Variants in PPARA observed in about 807,000 individuals in gnomAD.
The protein encoded by PPARA is peroxisome proliferator-activated receptor alpha.
A neutral mutation model predicts 42.2 loss-of-function variants in PPARA; 22 were observed. The ratio of observed to expected loss-of-function variants is 0.52; its 90% confidence interval spans 0.37 to 0.74. The LOEUF (loss-of-function observed/expected upper bound fraction) is 0.74. Among genes scored for constraint, PPARA ranks in the 30% least tolerant of loss-of-function variants. PPARA has a pLI of 0.00. For synonymous variants in PPARA, 242 were observed against 239.3 expected (o/e 1.01, Z -0.10); for missense variants, 465 against 608.2 (o/e 0.76, Z 2.48).
Position 46,240,011 on chromosome 22 carries a change from C to T in PPARA, c.*4631C>T, listed in dbSNP as rs1018716356. 6 of 396,918 alleles carry T rather than the reference C, an allele frequency of 1.5e-5. No homozygotes were observed. Among genetic ancestry groups the T allele is most frequent in the Non-Finnish European group, 2.2e-5 (5 of 225,686 alleles). The allele number at this position is 396,918 out of a possible 1,614,324, so 24.6% of individuals were successfully genotyped here. A position where few individuals can be genotyped will look rare whatever the true frequency, so the allele number is the denominator to read the frequency against. ...TTAAAATAGATTCATTGCTTCAACA[C>T]AGCAAGCCCAATGCACCCAGCTAAG... On this transcript the variant is annotated 3_prime_UTR_variant, in exon 9 of 9. Coordinates refer to ENST00000407236, the MANE Select transcript of PPARA (RefSeq NM_005036.6). This position sits in a 1 kb window ranked among gnomAD's most constrained non-coding sequence, Gnocchi z 6.0.
intron 3 of PPARA, among the ~76,000 whole-genome samples, chr22:46,179,429 G>C (rs1929628096): frequency 6.6e-6 from 1 of 152,066 alleles, no homozygotes; most frequent in Non-Finnish European, 1.5e-5. Context: ...AAAACAACTG[G>C]ATTTTGACAG....
At position 46,231,815 on chromosome 22, in the gene PPARA, G is replaced by A. The variant is rs373164062; in HGVS notation, c.735G>A (p.Glu245=). ...AGCCTTTTGTCATACATGATATGGA[G>A]ACACTGTGTATGGCTGAGAAGACGC... ...NNPPFVIHDM[E]TLCMAEKTLV... Residue 245 remains glutamate (E), a synonymous_variant, in exon 8 of 9, where the codon GAG becomes GAA. Transcript: ENST00000407236. The surrounding 1 kb of genome is among the most constrained non-coding windows in gnomAD (Gnocchi z 7.7). 1.2e-6 allele frequency: 2 copies of A among 1,613,706 alleles called. No homozygotes were observed. The highest frequency in any genetic ancestry group is 2.2e-5 in the South Asian group (2 of 91,048).
At chr22:46,207,663 T>C (rs1933475507) in intron 4 of PPARA, among the ~76,000 whole-genome samples, 1 of 115,768 alleles carries the variant, frequency 8.6e-6, no homozygotes, top group African/African-American at 4.2e-5. Context: ...ATTATTATTA[T>C]TATTATTATT....
Position 46,186,200 on chromosome 22 carries a change from C to T in PPARA, c.-43+9364C>T, listed in dbSNP as rs116952851. 1.7e-3 allele frequency among the ~76,000 whole-genome samples: 265 copies of T among 151,804 alleles called. 7 individuals carry two copies. The East Asian group carries it at 0.047, about 27-fold the overall frequency. ...TCATAGACCGGATGCCATCAGCCAA[C>T]CTTGAGTAATTTGCAGCACACTGCA... On this transcript the variant is annotated intron_variant, in intron 3 of 8. Transcript: ENST00000407236.
rs1931804133 is a variant in PPARA at position 46,193,259 on chromosome 22, G to T, written c.-42-5083G>T. 6.6e-6 allele frequency among the ~76,000 whole-genome samples: 1 copy of T among 152,096 alleles called. No individual in the cohort carries two copies. Among genetic ancestry groups the T allele is most frequent in the South Asian group, 2.1e-4 (1 of 4,820 alleles). Reference sequence around the variant, plus strand: ...TGTTTGTATTTTTAGTAGGGACCGGGTTTCACCAGGTTGAACAGGCTGGTC... The same window carrying T: ...TGTTTGTATTTTTAGTAGGGACCGGTTTTCACCAGGTTGAACAGGCTGGTC... On this transcript the variant is annotated intron_variant, in intron 3 of 8. Coordinates refer to ENST00000407236, the MANE Select transcript of PPARA (RefSeq NM_005036.6). The surrounding 1 kb of genome is among the most constrained non-coding windows in gnomAD (Gnocchi z 5.3).
rs1932963528 is a variant in PPARA at position 46,203,589 on chromosome 22, G to A, written c.208+4998G>A. 1.3e-5 allele frequency among the ~76,000 whole-genome samples: 2 copies of A among 152,292 alleles called. No homozygotes were observed. The highest frequency in any genetic ancestry group is 4.8e-5 in the African/African-American group (2 of 41,564). On this transcript the variant is annotated intron_variant, in intron 4 of 8. Transcript: ENST00000407236. The surrounding 1 kb of genome is among the most constrained non-coding windows in gnomAD (Gnocchi z 5.8). ...GTCATGACCAGGAAAAATTAGGCAC[G>A]TGGACACGTTGAAGGGTGAGGAGAG...
intron 7 of PPARA, among the ~76,000 whole-genome samples, chr22:46,228,207 G>A (rs540508570): frequency 2.6e-5 from 4 of 152,320 alleles, no homozygotes; most frequent in South Asian, 4.1e-4. Context: ...TTCATGCTCC[G>A]CTGTTGCCTT....
intron 3 of PPARA, among the ~76,000 whole-genome samples, chr22:46,177,618 C>A (rs1929347741): frequency 6.6e-6 from 1 of 152,314 alleles, no homozygotes; most frequent in African/African-American, 2.4e-5. Context: ...ATATCAGAAT[C>A]TTGGGCATAA....
In PPARA at chr22:46,180,907, T is replaced by C. The variant is rs1929862193; in HGVS notation, c.-43+4071T>C. Among the ~76,000 whole-genome samples, 2 of 152,270 alleles carry C rather than the reference T, an allele frequency of 1.3e-5. No homozygotes were observed. Among genetic ancestry groups the C allele is most frequent in the South Asian group, 4.1e-4 (2 of 4,824 alleles). ...GGACCTTTGGTGCCAATGGGAGGAC[T>C]TTAGCCCGGAAAGGAGATTGGCTCT... On this transcript the variant is annotated intron_variant, in intron 3 of 8. Transcript: ENST00000407236. This position sits in a 1 kb window ranked among gnomAD's most constrained non-coding sequence, Gnocchi z 4.2.
In PPARA at chr22:46,167,159, C is replaced by T. The variant is rs1000537812; in HGVS notation, c.-126-9594C>T. Among the ~76,000 whole-genome samples, 6 of 151,870 alleles carry T rather than the reference C, an allele frequency of 4.0e-5. No homozygotes were observed. Among genetic ancestry groups the T allele is most frequent in the Non-Finnish European group, 5.9e-5 (4 of 67,994 alleles). On this transcript the variant is annotated intron_variant, in intron 2 of 8. Transcript: ENST00000407236. The surrounding 1 kb of genome is among the most constrained non-coding windows in gnomAD (Gnocchi z 4.1). ...AGATAATCTTTTCAACAAATGATAC[C>T]GGAACAACTGGATAGCCATATGCAA...
chr22:46,213,403 C>CTTTTTTTT (rs61615727), intron 4 of PPARA, among the ~76,000 whole-genome samples: 1 of 134,864 alleles, frequency 7.4e-6, no homozygotes, highest in Non-Finnish European at 1.6e-5. Context: ...CATTTTCTTT[C>CTTTTTTTT]TTTTTTTTTT....
intron 3 of PPARA, among the ~76,000 whole-genome samples, chr22:46,186,218 A>G (rs914849222): frequency 6.6e-6 from 1 of 151,932 alleles, no homozygotes; most frequent in African/African-American, 2.4e-5. Flanking sequence ...AATTTGCAGC[A>G]CACTGCATCA....
rs1936126812 is a variant in PPARA, at chr22:46,235,050, T to C, written c.1160-83T>C. 2 of 1,576,402 alleles carry C rather than the reference T, an allele frequency of 1.3e-6. No individual in the cohort carries two copies. Among genetic ancestry groups the C allele is most frequent in the Non-Finnish European group, 1.7e-6 (2 of 1,146,512 alleles). On this transcript the variant is annotated intron_variant, in intron 8 of 8. Transcript: ENST00000407236. The surrounding 1 kb of genome is among the most constrained non-coding windows in gnomAD (Gnocchi z 7.0). ...TTTTTCTAAGAAAGGCCACATAAAA[T>C]AGGCATGTTTGGTTCCTGAAACTGA...
chr22:46,203,979 G>A lies in PPARA; in HGVS notation c.208+5388G>A, dbSNP rs1601736821. Among the ~76,000 whole-genome samples, 2 of 152,198 alleles carry A rather than the reference G, an allele frequency of 1.3e-5. No individual in the cohort carries two copies. The highest frequency in any genetic ancestry group is 3.9e-4 in the East Asian group (2 of 5,194). ...TGTCTGTCACCCCTAAAGTTTACTT[G>A]TGCTGTTTCTAATTCCTCTTTCCCC... On this transcript the variant is annotated intron_variant, in intron 4 of 8. Transcript: ENST00000407236. This position sits in a 1 kb window ranked among gnomAD's most constrained non-coding sequence, Gnocchi z 5.8.
chr22:46,153,080 C>T (rs763562250), intron 2 of PPARA, among the ~76,000 whole-genome samples: 18 of 151,764 alleles, frequency 1.2e-4, no homozygotes, highest in Non-Finnish European at 2.4e-4. Context: ...GGCGAGACTC[C>T]GTCTCAAAAA....
At chr22:46,229,399 A>C (rs181143976) in intron 7 of PPARA, among the ~76,000 whole-genome samples, 2 of 152,042 alleles carry the variant, frequency 1.3e-5, no homozygotes, top group Admixed American at 1.3e-4. Flanking sequence ...CTAAAATACA[A>C]AAAATTAGCT....
At position 46,161,770 on chromosome 22, in the gene PPARA, T is replaced by A. The variant is rs559852863; in HGVS notation, c.-127+9800T>A. Among the ~76,000 whole-genome samples, 3 of 152,322 alleles carry A rather than the reference T, an allele frequency of 2.0e-5. No homozygotes were observed. The South Asian group carries it at 6.2e-4, about 32-fold the overall frequency. ...TGAGCAGATGTGGACTTTCCGACTGTGTGTGTGCGACTTCCTCAGAGCCCT... is the reference window on the plus strand; with the variant it reads ...TGAGCAGATGTGGACTTTCCGACTGAGTGTGTGCGACTTCCTCAGAGCCCT... On this transcript the variant is annotated intron_variant, in intron 2 of 8. Transcript: ENST00000407236. This position sits in a 1 kb window ranked among gnomAD's most constrained non-coding sequence, Gnocchi z 4.8.
At chr22:46,164,622 C>G (rs995992122) in intron 2 of PPARA, 1 of 152,226 alleles carries the variant, frequency 6.6e-6, no homozygotes, top group Non-Finnish European at 1.5e-5. Context: ...TCCATGACGA[C>G]AGAGGTGTTT....
At chr22:46,198,650 T>G (rs1202262028) in intron 4 of PPARA, 59 bp downstream of exon 4, 15 of 1,410,188 alleles carry the variant, frequency 1.1e-5, no homozygotes, top group Non-Finnish European at 1.5e-5. Flanking sequence ...CCAAGAAAAC[T>G]GTTCTCTCTT....
Sources: gnomAD v4.1 joint callset for allele counts (sites outside exome capture counted in the v4.1 genomes callset) on GRCh38, gnomAD v4.1.1 for gene constraint, Gnocchi (gnomAD v3.1) non-coding constraint, MANE v1.5 for transcripts, NCBI Gene and HGNC (gene_info 2026-07-23, HGNC 2026-07-21) for gene names.